TANC2: variants seen among roughly 807,000 people sequenced by gnomAD.
TANC2 encodes protein TANC2.
Under a neutral mutation model 210.5 loss-of-function variants are expected in TANC2, and 26 were observed. That is an observed-to-expected ratio of 0.12 (90% CI 0.09 to 0.17). The LOEUF (loss-of-function observed/expected upper bound fraction) is 0.17, where lower values mean the gene tolerates loss of function less well. Among genes scored for constraint, TANC2 ranks in the 10% least tolerant of loss-of-function variants. TANC2 has a pLI of 1.00. For missense variants in TANC2, 2,129 were observed against 2,608.9 expected (o/e 0.82, Z 4.01); for synonymous variants, 931 against 967.1 (o/e 0.96, Z 0.69).
chr17:63,014,496 A>G (rs951753581), intron 2 of TANC2, among the ~76,000 whole-genome samples: 1 of 152,172 alleles, frequency 6.6e-6, no homozygotes, highest in South Asian at 2.1e-4. Flanking sequence ...TCTGGAAATC[A>G]GATTCTTCTC....
intron 1 of TANC2, among the ~76,000 whole-genome samples, chr17:62,970,417 A>G (rs781248109): frequency 6.6e-6 from 1 of 152,206 alleles, no homozygotes; most frequent in Non-Finnish European, 1.5e-5. Flanking sequence ...TTTTACTAAC[A>G]TTGTTAAACA....
intron 3 of TANC2, among the ~76,000 whole-genome samples, chr17:63,098,397 T>C (rs1037275951): frequency 6.6e-6 from 1 of 150,444 alleles, no homozygotes; most frequent in African/African-American, 2.4e-5. Flanking sequence ...GGAGTTTTGC[T>C]ATCTCCACTT....
chr17:63,182,902 G>A (rs1341538330), intron 5 of TANC2: 1 of 152,314 alleles, frequency 6.6e-6, no homozygotes, highest in Non-Finnish European at 1.5e-5. Context: ...GAACAGAAAT[G>A]TTAAACTATA....
At chr17:63,370,453 C>T (rs958936149) in intron 14 of TANC2, among the ~76,000 whole-genome samples, 11 of 152,220 alleles carry the variant, frequency 7.2e-5, no homozygotes, top group African/African-American at 2.4e-4. Flanking sequence ...GCTGGGATTA[C>T]AGGCGTGAGC....
intron 7 of TANC2, among the ~76,000 whole-genome samples, chr17:63,228,024 C>G (rs2042374020): frequency 6.6e-6 from 1 of 152,000 alleles, no homozygotes; most frequent in Admixed American, 6.6e-5. Flanking sequence ...CCACCATGCC[C>G]AGCTAATTTT....
intron 3 of TANC2, among the ~76,000 whole-genome samples, chr17:63,090,575 T>C (rs1241186268): frequency 1.3e-5 from 2 of 152,218 alleles, no homozygotes; most frequent in East Asian, 3.8e-4. Flanking sequence ...CCCTGGTGTA[T>C]ATGTGCCACG....
chr17:63,346,877 T>G (rs2046429689), intron 12 of TANC2, among the ~76,000 whole-genome samples: 1 of 151,916 alleles, frequency 6.6e-6, no homozygotes, highest in Admixed American at 6.6e-5. Context: ...GGCTAATTTT[T>G]TTTTTTTTTC....
chr17:63,107,869 G>C (rs975678629), intron 4 of TANC2, among the ~76,000 whole-genome samples: 3 of 151,484 alleles, frequency 2.0e-5, no homozygotes, highest in Non-Finnish European at 4.4e-5. Context: ...TTCATTTTGG[G>C]GTGATGAAAA....
Position 63,369,580 on chromosome 17 carries a change from G to C in TANC2, c.2583-10138G>C, listed in dbSNP as rs1381383555. 2.0e-5 allele frequency among the ~76,000 whole-genome samples: 3 copies of C among 148,820 alleles called. No individual in the cohort carries two copies. In the South Asian group the frequency reaches 6.4e-4, roughly 32 times the overall value. On this transcript the variant is annotated intron_variant, in intron 14 of 27. Transcript: ENST00000689528. ...TTTTTTTTTTTTTTTTTGAGACGGG[G>C]TCTCACTCTGTTGCCCATGCCAGAG...
exon 9 of TANC2, chr17:63,267,802 C>T (rs761556714): frequency 3.7e-6 from 6 of 1,613,180 alleles, no homozygotes; most frequent in East Asian, 2.2e-5. Context: ...CAGAGACATA[C>T]ACCTTTGAGA....
At chr17:63,260,103 A>G (rs1318061431) in intron 8 of TANC2, among the ~76,000 whole-genome samples, 1 of 152,228 alleles carries the variant, frequency 6.6e-6, no homozygotes, top group Non-Finnish European at 1.5e-5. Context: ...TAAGCTTTTA[A>G]AAAGAGATTT....
intron 8 of TANC2, among the ~76,000 whole-genome samples, chr17:63,258,838 A>G (rs753356064): frequency 8.5e-5 from 13 of 152,126 alleles, no homozygotes; most frequent in Non-Finnish European, 1.5e-4. Context: ...CCCATGGCCA[A>G]GCTGGTACCC....
At position 63,237,800 on chromosome 17, in the gene TANC2, T is replaced by A. The variant is rs754397273; in HGVS notation, c.770-14T>A. ...TGTGGCTTTATTAAATTCATTTTACTCTTTTTTTTTCAGCTACATTAACAA... is the reference window on the plus strand; with the variant it reads ...TGTGGCTTTATTAAATTCATTTTACACTTTTTTTTTCAGCTACATTAACAA... On this transcript the variant is annotated splice_polypyrimidine_tract_variant and intron_variant, in intron 7 of 27. Transcript: ENST00000689528. The A allele has an allele frequency of 1.3e-6, 2 of 1,529,538 alleles. No individual in the cohort carries two copies. The highest frequency in any genetic ancestry group is 2.5e-5 in the South Asian group (2 of 79,980). The allele number at this position is 1,529,538 out of a possible 1,614,324, so 94.7% of individuals were successfully genotyped here.
intron 1 of TANC2, among the ~76,000 whole-genome samples, chr17:63,003,907 T>C (rs2033496885): frequency 6.6e-6 from 1 of 152,222 alleles, no homozygotes; most frequent in African/African-American, 2.4e-5. Flanking sequence ...TTGTTTTTTT[T>C]CAAACTGTAC....
chr17:62,972,864 A>G (rs1313247968), intron 1 of TANC2, among the ~76,000 whole-genome samples: 4 of 151,122 alleles, frequency 2.6e-5, no homozygotes, highest in East Asian at 3.9e-4. Context: ...TTCATGGACT[A>G]CTCCTGCCCT....
chr17:63,157,615 A>T (rs984628855), intron 5 of TANC2, among the ~76,000 whole-genome samples: 1 of 152,162 alleles, frequency 6.6e-6, no homozygotes, highest in African/African-American at 2.4e-5. Context: ...TAATTTCCTA[A>T]TTTCCCTCTG....
chr17:63,080,059 C>T (rs77330422), intron 3 of TANC2, among the ~76,000 whole-genome samples: 4,482 of 152,202 alleles, frequency 0.029, 81 homozygotes, highest in South Asian at 0.038. Context: ...ATATTACTTA[C>T]TATATTTTGT....
rs1340820621 is a variant in TANC2, at chr17:63,022,471, ATATAATT to A, written c.67+12853_67+12859del. On this transcript the variant is annotated intron_variant, in intron 2 of 27. Transcript: ENST00000689528. ...ATGGGAGCAAAGGGATGATTTAAAG[ATATAATT>A]TATAATTAAAAGGGAAGCAGAGCAT... Among the ~76,000 whole-genome samples the A allele has an allele frequency of 3.3e-5, 5 of 152,340 alleles. No homozygotes were observed. In the East Asian group the frequency reaches 9.6e-4, roughly 29 times the overall value.
chr17:62,997,952 A>T (rs1486633131), intron 1 of TANC2, among the ~76,000 whole-genome samples: 2 of 152,342 alleles, frequency 1.3e-5, no homozygotes, highest in Non-Finnish European at 2.9e-5. Context: ...CAGAGAATTC[A>T]GAACATGGTT....
Sources: allele counts gnomAD v4.1 joint callset (sites outside exome capture counted in the v4.1 genomes callset), GRCh38; gene constraint gnomAD v4.1.1; transcripts MANE v1.5; gene names NCBI Gene and HGNC (gene_info 2026-07-23, HGNC 2026-07-21).